UBE2W: variants seen among roughly 807,000 people sequenced by gnomAD.
UBE2W encodes the protein ubiquitin conjugating enzyme E2 W.
A neutral mutation model predicts 27.2 loss-of-function variants in UBE2W; 18 were observed. That is an observed-to-expected ratio of 0.66 (90% CI 0.46 to 0.98). The LOEUF (loss-of-function observed/expected upper bound fraction) is 0.98, where lower values mean the gene tolerates loss of function less well. UBE2W is among the 50% of genes least tolerant of loss of function. The pLI, the probability that UBE2W is intolerant of heterozygous loss-of-function variation, is 0.00. For missense variants in UBE2W, 90 were observed against 180.2 expected (o/e 0.50, Z 2.87); for synonymous variants, 53 against 57.2 (o/e 0.93, Z 0.33).
At chr8:73,794,894 T>C (rs1200292286) in intron 5 of UBE2W, among the ~76,000 whole-genome samples, 1 of 150,414 alleles carries the variant, frequency 6.6e-6, no homozygotes, top group Non-Finnish European at 1.5e-5. Flanking sequence ...GAAAATAAGC[T>C]TTCAGCAAGT....
intron 5 of UBE2W, among the ~76,000 whole-genome samples, chr8:73,804,236 C>G (rs1808773484): frequency 6.8e-6 from 1 of 148,046 alleles, no homozygotes. Context: ...GGTCATAGTT[C>G]AATTAGTTTT....
At chr8:73,833,005 T>C (rs1383709166) in intron 1 of UBE2W, among the ~76,000 whole-genome samples, 3 of 151,926 alleles carry the variant, frequency 2.0e-5, no homozygotes, top group Admixed American at 6.6e-5. Flanking sequence ...CTGGCCGATA[T>C]GGTGAAACCC....
intron 3 of UBE2W, among the ~76,000 whole-genome samples, chr8:73,820,971 A>G (rs1809589054): frequency 6.6e-6 from 1 of 152,132 alleles, no homozygotes; most frequent in African/African-American, 2.4e-5. Context: ...ACCAAAAAGT[A>G]AATTAAAAAA....
chr8:73,832,512 C>T (rs995654243), intron 1 of UBE2W, among the ~76,000 whole-genome samples: 3 of 152,202 alleles, frequency 2.0e-5, no homozygotes, highest in South Asian at 2.1e-4. Flanking sequence ...GTTCACAAAA[C>T]GAATCGATTT....
At chr8:73,829,912 T>C (rs1810003538) in intron 2 of UBE2W, among the ~76,000 whole-genome samples, 2 of 152,198 alleles carry the variant, frequency 1.3e-5, no homozygotes, top group South Asian at 2.1e-4. Context: ...CACTGTCTAA[T>C]AAAATTATTA....
chr8:73,844,714 C>G (rs1340285848), intron 1 of UBE2W, among the ~76,000 whole-genome samples: 3 of 151,516 alleles, frequency 2.0e-5, no homozygotes, highest in Admixed American at 6.6e-5. Flanking sequence ...GCGTCTCTGC[C>G]CAGCCGCCCA....
intron 1 of UBE2W, among the ~76,000 whole-genome samples, chr8:73,845,457 T>C (rs572775316): frequency 4.5e-4 from 69 of 152,296 alleles, no homozygotes; most frequent in African/African-American, 1.4e-3. Context: ...AAGGGTTAAA[T>C]GGATTAAGGG....
chr8:73,841,467 A>G (rs528797666), intron 1 of UBE2W, among the ~76,000 whole-genome samples: 4 of 152,310 alleles, frequency 2.6e-5, no homozygotes, highest in African/African-American at 9.6e-5. Context: ...ATTCTGACAA[A>G]TGAAAAAGTG....
chr8:73,877,853 A>C (rs376992037), intron 1 of UBE2W, among the ~76,000 whole-genome samples: 1 of 76,076 alleles, frequency 1.3e-5, no homozygotes, highest in South Asian at 3.4e-4. Flanking sequence ...AACAAAAAAC[A>C]AAAAAACCCA....
At chr8:73,804,516 G>C (rs1439404007) in intron 5 of UBE2W, among the ~76,000 whole-genome samples, 1 of 151,572 alleles carries the variant, frequency 6.6e-6, no homozygotes, top group Non-Finnish European at 1.5e-5. Flanking sequence ...TAAAATTAGA[G>C]AGTACTTTAT....
intron 1 of UBE2W, among the ~76,000 whole-genome samples, chr8:73,863,763 A>G (rs1194610869): frequency 1.2e-4 from 19 of 152,020 alleles, no homozygotes; most frequent in Admixed American, 1.2e-3. Context: ...CAAAAAAAGA[A>G]TTAGCTGAAG....
intron 3 of UBE2W, among the ~76,000 whole-genome samples, chr8:73,811,801 A>G (rs1454017768): frequency 6.6e-6 from 1 of 152,162 alleles, no homozygotes; most frequent in Admixed American, 6.5e-5. Context: ...TATAGCAGAA[A>G]CTGATAAAAG....
chr8:73,863,664 A>C (rs961306822), intron 1 of UBE2W, among the ~76,000 whole-genome samples: 3 of 152,108 alleles, frequency 2.0e-5, no homozygotes, highest in African/African-American at 7.2e-5. Flanking sequence ...AGGCTGAGGC[A>C]AAAGACTCAC....
At chr8:73,799,491 C>T (rs955422830) in intron 5 of UBE2W, among the ~76,000 whole-genome samples, 4 of 152,156 alleles carry the variant, frequency 2.6e-5, no homozygotes, top group African/African-American at 9.7e-5. Context: ...CAGAGTCCTC[C>T]TCTTATAAAA....
At chr8:73,825,022 A>C in intron 3 of UBE2W, 125 bp downstream of exon 3, 3 of 606,340 alleles carry the variant, frequency 4.9e-6, no homozygotes, top group Non-Finnish European at 8.7e-6. Flanking sequence ...ATGACAAATA[A>C]GATAATGAAA....
intron 1 of UBE2W, among the ~76,000 whole-genome samples, chr8:73,854,723 T>C (rs1041010414): frequency 6.6e-6 from 1 of 152,178 alleles, no homozygotes; most frequent in African/African-American, 2.4e-5. Context: ...TTGAATAATT[T>C]GAGAGTTGGG....
intron 2 of UBE2W, among the ~76,000 whole-genome samples, chr8:73,825,606 A>C (rs1035117937): frequency 8.5e-5 from 13 of 152,226 alleles, no homozygotes; most frequent in African/African-American, 2.9e-4. Context: ...GTTTAAGACC[A>C]GCCTGACCAA....
In UBE2W at chr8:73,787,548, G is replaced by A; in HGVS notation, c.*6554C>T. On this transcript the variant is annotated 3_prime_UTR_variant, in exon 6 of 6. Transcript: ENST00000602593. ...ACATGATCGTTTTTATGGCAGAATGGCTGCCTCAATGAGGACTAAGGTGCT... is the reference window on the plus strand; with the variant it reads ...ACATGATCGTTTTTATGGCAGAATGACTGCCTCAATGAGGACTAAGGTGCT... 1.0e-6 allele frequency: 1 copy of A among 985,416 alleles called. No individual in the cohort carries two copies. Among genetic ancestry groups the A allele is most frequent in the Non-Finnish European group, 1.2e-6 (1 of 829,928 alleles). 61.0% of individuals were successfully genotyped at this position (985,416 alleles called of 1,614,324 possible).
chr8:73,781,583 A>G (rs1490329130), downstream of UBE2W, among the ~76,000 whole-genome samples: 1 of 150,082 alleles, frequency 6.7e-6, no homozygotes, highest in Non-Finnish European at 1.5e-5. Context: ...ACTGACTTTC[A>G]GCATGGATTT....
Sources: allele counts gnomAD v4.1 joint callset (sites outside exome capture counted in the v4.1 genomes callset), GRCh38; gene constraint gnomAD v4.1.1; transcripts MANE v1.5; gene names NCBI Gene and HGNC (gene_info 2026-07-23, HGNC 2026-07-21).